ZNF205: variants seen among roughly 807,000 people sequenced by gnomAD.
The protein encoded by ZNF205 is zinc finger protein 205.
Under a neutral mutation model 53.6 loss-of-function variants are expected in ZNF205, and 32 were observed. The observed-to-expected ratio is 0.60, with a 90% confidence interval of 0.45 to 0.80. The LOEUF (loss-of-function observed/expected upper bound fraction) is 0.80. ZNF205 is among the 30% of genes least tolerant of loss of function. The probability of loss-of-function intolerance (pLI) is 0.00; values close to 1 mark genes in which losing one functional copy is unlikely to be tolerated. For missense variants in ZNF205, 836 were observed against 782.4 expected, an observed-to-expected ratio of 1.07 and a Z score of -0.82; for synonymous variants, 382 against 334.3, an observed-to-expected ratio of 1.14 and a Z score of -1.56.
At position 3,115,843 on chromosome 16, in the gene ZNF205, C is replaced by G. The variant is rs746289478; in HGVS notation, c.286C>G (p.Arg96Gly). ...TCCTCCCACAGCCCTCCCCTCCCCC[C>G]GGATCCCCGTGCTTTCCCGAGAGGG... ...FLPGGALPSP[R>G]IPVLSREGRT... Residue 96 changes from arginine to glycine, a missense_variant, in exon 4 of 7, where the codon CGG (arginine) becomes GGG (glycine). Physicochemically the swap from Arg to Gly is moderately radical, Grantham distance 125 (BLOSUM62 -2). Coordinates refer to ENST00000219091, the MANE Select transcript of ZNF205 (RefSeq NM_001042428.2). The G allele has an allele frequency of 1.1e-5, 18 of 1,613,732 alleles. No individual in the cohort carries two copies. The highest frequency in any genetic ancestry group is 1.4e-5 in the Non-Finnish European group (16 of 1,179,894).
At position 3,120,260 on chromosome 16, in the gene ZNF205, G is replaced by A. The variant is rs770727703; in HGVS notation, c.1600G>A (p.Ala534Thr). 11 of 1,604,206 alleles carry A rather than the reference G, an allele frequency of 6.9e-6. No homozygotes were observed. The highest frequency in any genetic ancestry group is 1.7e-5 in the Admixed American group (1 of 59,890). Reference sequence around the variant, plus strand: ...CCACACCACCGGGCCCAAGGCCCTGGCCATGCTGATGCTGGGGGCGGCGGC... The same window carrying A: ...CCACACCACCGGGCCCAAGGCCCTGACCATGCTGATGCTGGGGGCGGCGGC... ...KIHTTGPKAL[A>T]MLMLGAAAAG... Residue 534 changes from alanine to threonine, a missense_variant, in exon 7 of 7, where the codon GCC (alanine) becomes ACC (threonine). Physicochemically the swap from Ala to Thr is moderately conservative, Grantham distance 58 (BLOSUM62 0). Transcript: ENST00000219091.
At chr16:3,118,810 A>AC in intron 5 of ZNF205, 95 bp from the exon 6 acceptor site, 1 of 1,312,170 alleles carries the variant, frequency 7.6e-7, no homozygotes, top group Non-Finnish European at 1.0e-6. Flanking sequence ...CCAGAGCCTC[A>AC]CCCCCTACTT....
At chr16:3,115,994 G>T in intron 4 of ZNF205, 74 bp downstream of exon 4, 1 of 1,468,872 alleles carries the variant, frequency 6.8e-7, no homozygotes, top group Non-Finnish European at 9.3e-7. Context: ...TGAAAGCCAG[G>T]ACCCCGCTGG....
At chr16:3,113,264 C>T (rs1275590515) in intron 1 of ZNF205, 153 bp from the exon 2 acceptor site, 1 of 652,618 alleles carries the variant, frequency 1.5e-6, no homozygotes, top group Non-Finnish European at 2.7e-6. Context: ...CGATTGGGAC[C>T]AGGGAGCGCT....
chr16:3,117,248 C>A (rs1957357306), intron 5 of ZNF205, among the ~76,000 whole-genome samples: 1 of 152,130 alleles, frequency 6.6e-6, no homozygotes, highest in Non-Finnish European at 1.5e-5. Context: ...CAAGCCCCAA[C>A]TTCAGAGGTG....
In ZNF205 at chr16:3,113,305, G is replaced by A. The variant is rs1037510405; in HGVS notation, c.-14-112G>A. On this transcript the variant is annotated intron_variant, in intron 1 of 6. Coordinates refer to ENST00000219091, the MANE Select transcript of ZNF205 (RefSeq NM_001042428.2). ...TCGTGGGGATTTTCAGGGCTCTTTG[G>A]GGGTGTCCAGGAAGCGAGGGCTGGT... The A allele has an allele frequency of 1.0e-5, 10 of 965,530 alleles. No homozygotes were observed. The African/African-American group carries it at 1.5e-4, about 14-fold the overall frequency. The allele number at this position is 965,530 out of a possible 1,614,324, so 59.8% of individuals were successfully genotyped here. A position where few individuals can be genotyped will look rare whatever the true frequency, so the allele number is the denominator to read the frequency against.
Position 3,120,409 on chromosome 16 carries a change from C to A in ZNF205, c.*84C>A. ...AAGGCTCCGAGGGAGGAGAGAGGGG[C>A]TCGGGAAGGGAGCTGGGGCGGTGAG... On this transcript the variant is annotated 3_prime_UTR_variant, in exon 7 of 7. Coordinates refer to ENST00000219091, the MANE Select transcript of ZNF205 (RefSeq NM_001042428.2). The A allele has an allele frequency of 7.1e-7, 1 of 1,402,348 alleles. No homozygotes were observed. Among genetic ancestry groups the A allele is most frequent in the Non-Finnish European group, 9.4e-7 (1 of 1,068,984 alleles). 86.9% of individuals were successfully genotyped at this position (1,402,348 alleles called of 1,614,324 possible). A position where few individuals can be genotyped will look rare whatever the true frequency, so the allele number is the denominator to read the frequency against.
intron 5 of ZNF205, among the ~76,000 whole-genome samples, chr16:3,117,273 T>C (rs1957357537): frequency 6.6e-6 from 1 of 152,090 alleles, no homozygotes; most frequent in Non-Finnish European, 1.5e-5. Context: ...AGCAGCAAGC[T>C]TGGCTTCGGG....
rs1023132556 is a variant in ZNF205, at chr16:3,115,580, A to T, written c.271+12A>T. 1.3e-6 allele frequency: 2 copies of T among 1,578,858 alleles called. No homozygotes were observed. The highest frequency in any genetic ancestry group is 2.7e-5 in the African/African-American group (2 of 72,792). On this transcript the variant is annotated intron_variant, in intron 3 of 6. Coordinates refer to ENST00000219091, the MANE Select transcript of ZNF205 (RefSeq NM_001042428.2). Reference sequence around the variant, plus strand: ...CCTGCCTGGCGGAGGTAGGAGAGGGACGGGGAAGAGGCGCTTTCCCAGGGA... The same window carrying T: ...CCTGCCTGGCGGAGGTAGGAGAGGGTCGGGGAAGAGGCGCTTTCCCAGGGA...
At chr16:3,119,143 T>C in intron 6 of ZNF205, 113 bp from the exon 7 acceptor site, 1 of 1,502,916 alleles carries the variant, frequency 6.7e-7, no homozygotes, top group Non-Finnish European at 8.9e-7. Flanking sequence ...AGGGCGGCCC[T>C]TGCGCTTTCT....
Position 3,115,501 on chromosome 16 carries a change from A to G in ZNF205, c.204A>G (p.Gln68=). ...SEGASQEDGA[Q]GAWGWAPLSH... is the part of the protein sequence containing the mutation. ...GGGCATCGCAGGAGGATGGGGCTCA[A>G]GGTGCCTGGGGCTGGGCACCCCTAA... The change falls in exon 3 of 7, where the codon CAA becomes CAG. Residue 68 remains glutamine, a synonymous_variant. Transcript: ENST00000219091. 6.2e-7 allele frequency: 1 copy of G among 1,605,836 alleles called. No individual in the cohort carries two copies. Among genetic ancestry groups the G allele is most frequent in the South Asian group, 1.1e-5 (1 of 89,844 alleles).
Position 3,115,455 on chromosome 16 carries a change from C to T in ZNF205, c.158C>T (p.Pro53Leu), listed in dbSNP as rs773634499. 1 of 1,612,116 alleles carries T rather than the reference C, an allele frequency of 6.2e-7. No individual in the cohort carries two copies. Among genetic ancestry groups the T allele is most frequent in the Admixed American group, 1.7e-5 (1 of 59,742 alleles). The change falls in exon 3 of 7, where the codon CCC becomes CTC. Residue 53 changes from proline (P) to leucine (L), a missense_variant. Pro to Leu is a moderately conservative substitution (Grantham distance 98). Transcript: ENST00000219091. ...GAGTCACTGCACATTAAGATGGAGCCCGAAGAGCCACACTCCGAGGGGGCA... is the reference window on the plus strand; with the variant it reads ...GAGTCACTGCACATTAAGATGGAGCTCGAAGAGCCACACTCCGAGGGGGCA... Reference protein sequence around the residue: ...TQESLHIKMEPEEPHSEGASQ... With the variant: ...TQESLHIKMELEEPHSEGASQ...
intron 1 of ZNF205, 117 bp from the exon 2 acceptor site, chr16:3,113,300 C>G: frequency 1.1e-6 from 1 of 936,414 alleles, no homozygotes; most frequent in Non-Finnish European, 1.6e-6. Context: ...TTTCAGGGCT[C>G]TTTGGGGGTG....
intron 5 of ZNF205, among the ~76,000 whole-genome samples, chr16:3,117,483 C>G (rs1401156840): frequency 1.8e-5 from 2 of 110,860 alleles, no homozygotes; most frequent in African/African-American, 6.8e-5. Context: ...CAGCCTTGCT[C>G]TGTCACCCAG....
chr16:3,119,153 T>A lies in ZNF205; in HGVS notation c.596-103T>A. 3.3e-6 allele frequency: 5 copies of A among 1,506,170 alleles called. No homozygotes were observed. The South Asian group carries it at 6.6e-5, about 20-fold the overall frequency. The allele number at this position is 1,506,170 out of a possible 1,614,324, so 93.3% of individuals were successfully genotyped here. Reference sequence around the variant, plus strand: ...CGCCCAGGGCGGCCCTTGCGCTTTCTGGTCTCTGAGAATCCAGCCCCCACC... The same window carrying A: ...CGCCCAGGGCGGCCCTTGCGCTTTCAGGTCTCTGAGAATCCAGCCCCCACC... On this transcript the variant is annotated intron_variant, in intron 6 of 6. Transcript: ENST00000219091.
At chr16:3,113,563 T>C (rs777625202) in intron 2 of ZNF205, 76 bp downstream of exon 2, 36 of 1,534,804 alleles carry the variant, frequency 2.3e-5, no homozygotes, top group Non-Finnish European at 2.9e-5. Flanking sequence ...GCACAGAGTC[T>C]GGACCCCTGG....
rs773467480 is a variant in ZNF205, at chr16:3,116,420, G to T, written c.364-7G>T. The T allele has an allele frequency of 5.6e-6, 9 of 1,613,928 alleles. No homozygotes were observed. The highest frequency in any genetic ancestry group is 6.8e-6 in the Non-Finnish European group (8 of 1,179,984). On this transcript the variant is annotated splice_polypyrimidine_tract_variant and splice_region_variant and intron_variant, in intron 4 of 6. Transcript: ENST00000219091. ...TCCTGGAGAGTGGATGTTTCACATT[G>T]TTTCAGATGCCAGTGACTTTCGAGG...
chr16:3,115,822 C>T lies in ZNF205; in HGVS notation c.272-7C>T, dbSNP rs372465178. The T allele has an allele frequency of 6.2e-7, 1 of 1,611,272 alleles. No individual in the cohort carries two copies. The highest frequency in any genetic ancestry group is 8.5e-7 in the Non-Finnish European group (1 of 1,178,600). ...TGATCACCGTGAGGACCTCTCTCCT[C>T]CCACAGCCCTCCCCTCCCCCCGGAT... On this transcript the variant is annotated splice_polypyrimidine_tract_variant and splice_region_variant and intron_variant, in intron 3 of 6. Transcript: ENST00000219091.
chr16:3,115,587 A>G lies in ZNF205; in HGVS notation c.271+19A>G, dbSNP rs755014619. The stretch of plus-strand genomic sequence containing the variant: ...GGCGGAGGTAGGAGAGGGACGGGGA[A>G]GAGGCGCTTTCCCAGGGAGGCAGCT... On this transcript the variant is annotated intron_variant, in intron 3 of 6. Coordinates refer to ENST00000219091, the MANE Select transcript of ZNF205 (RefSeq NM_001042428.2). 4 of 1,569,676 alleles carry G rather than the reference A, an allele frequency of 2.5e-6. No homozygotes were observed. In the Admixed American group the frequency reaches 8.1e-5, roughly 32 times the overall value.
Sources: allele counts gnomAD v4.1 joint callset (sites outside exome capture counted in the v4.1 genomes callset), GRCh38; gene constraint gnomAD v4.1.1; transcripts MANE v1.5; gene names NCBI Gene and HGNC (gene_info 2026-07-23, HGNC 2026-07-21).